ZNF236: variants seen among roughly 807,000 people sequenced by gnomAD.
ZNF236 encodes regulated by glucose.
ZNF236 carries 50 observed loss-of-function variants against 191.2 expected under a neutral mutation model. The ratio of observed to expected loss-of-function variants is 0.26; its 90% CI spans 0.21 to 0.33. The LOEUF (loss-of-function observed/expected upper bound fraction) is 0.33, where lower values mean the gene tolerates loss of function less well. Ranked by LOEUF, ZNF236 falls within the 10% of genes least tolerant of loss-of-function variation. The pLI, the probability that ZNF236 is intolerant of heterozygous loss-of-function variation, is 1.00. For missense variants in ZNF236, 1,754 were observed against 2,374.5 expected (o/e 0.74, Z 5.43); for synonymous variants, 907 against 928.8 (o/e 0.98, Z 0.43).
Position 76,908,391 on chromosome 18 carries a change from A to T in ZNF236, c.2369A>T (p.Gln790Leu). ...ASIDDSTVDQ[Q>L]SMQASTQMQV... ...ATAGATGACAGCACTGTAGACCAGC[A>T]GAGCATGCAGGCCTCCACTCAAATG... The change falls in exon 14 of 31, where the codon CAG (glutamine) becomes CTG (leucine). Residue 790 changes from glutamine to leucine, a missense_variant. Gln to Leu is a moderately radical substitution (Grantham distance 113). This residue lies in a region of ZNF236 where 641 missense variants were observed against 869.6 expected (regional missense o/e 0.74). Coordinates refer to ENST00000320610, the MANE Select transcript of ZNF236 (RefSeq NM_001306089.2). 6.2e-7 allele frequency: 1 copy of T among 1,614,234 alleles called. No homozygotes were observed. The highest frequency in any genetic ancestry group is 8.5e-7 in the Non-Finnish European group (1 of 1,180,044).
At position 76,904,362 on chromosome 18, in the gene ZNF236, T is replaced by A; in HGVS notation, c.1895-18T>A. The A allele has an allele frequency of 6.3e-7, 1 of 1,585,812 alleles. No individual in the cohort carries two copies. On this transcript the variant is annotated intron_variant, in intron 11 of 30. Coordinates refer to ENST00000320610, the MANE Select transcript of ZNF236 (RefSeq NM_001306089.2). ...AGCATTGACAGTGAATTACATCTGC[T>A]TTTCTTTTGCTTTGTAGGTCTCATC...
chr18:76,901,578 C>T (rs915236734), intron 11 of ZNF236, among the ~76,000 whole-genome samples: 3 of 152,098 alleles, frequency 2.0e-5, no homozygotes, highest in African/African-American at 4.8e-5. Flanking sequence ...GCCAACATGG[C>T]AAAACCCCAT....
intron 26 of ZNF236, among the ~76,000 whole-genome samples, chr18:76,938,913 G>A (rs1371947087): frequency 2.6e-5 from 4 of 152,226 alleles, no homozygotes; most frequent in African/African-American, 7.2e-5. Flanking sequence ...GCTGTGCGGA[G>A]CGCGTGACTG....
Position 76,880,908 on chromosome 18 carries a change from GTCGT to G in ZNF236, c.1189-373_1189-370del, listed in dbSNP as rs2122645599. On this transcript the variant is annotated intron_variant, in intron 8 of 30. Transcript: ENST00000320610. The surrounding 1 kb of genome is among the most constrained non-coding windows in gnomAD (Gnocchi z 5.0). Reference sequence around the variant, plus strand: ...CCAGGGGTATGAGGAATCTCAGGGTGTCGTTCTACAGCCGATACCTGAAAGTTAA... The same window carrying G: ...CCAGGGGTATGAGGAATCTCAGGGTGTCTACAGCCGATACCTGAAAGTTAA... Among the ~76,000 whole-genome samples the G allele has an allele frequency of 6.6e-6, 1 of 152,298 alleles. No individual in the cohort carries two copies. The highest frequency in any genetic ancestry group is 1.9e-4 in the East Asian group (1 of 5,188).
At chr18:76,929,286 G>A (rs1210790027) in intron 25 of ZNF236, among the ~76,000 whole-genome samples, 1 of 151,830 alleles carries the variant, frequency 6.6e-6, no homozygotes, top group African/African-American at 2.4e-5. Context: ...AGATGCTGTT[G>A]GACAGCAAAA....
At chr18:76,864,808 T>G (rs1221577738) in intron 3 of ZNF236, among the ~76,000 whole-genome samples, 1 of 151,856 alleles carries the variant, frequency 6.6e-6, no homozygotes, top group Admixed American at 6.6e-5. Flanking sequence ...GCCAGTAGAT[T>G]GTGATAAGTT....
intron 3 of ZNF236, among the ~76,000 whole-genome samples, chr18:76,862,730 G>A (rs113820691): frequency 2.6e-5 from 4 of 152,302 alleles, no homozygotes; most frequent in African/African-American, 9.6e-5. Context: ...GGTCAGTGGG[G>A]CTCTGCGAAA....
At chr18:76,909,633 G>A (rs901930256) in intron 14 of ZNF236, among the ~76,000 whole-genome samples, 4 of 152,190 alleles carry the variant, frequency 2.6e-5, no homozygotes, top group African/African-American at 7.2e-5. Context: ...AGCTGGCTGC[G>A]TCTGGCACAG....
intron 4 of ZNF236, among the ~76,000 whole-genome samples, chr18:76,869,846 C>T (rs192981017): frequency 8.9e-4 from 135 of 152,248 alleles, no homozygotes; most frequent in African/African-American, 3.0e-3. Flanking sequence ...GTCCCAGGTA[C>T]TCGGGAGGCT....
rs918626377 is a variant in ZNF236, at chr18:76,966,962, C to T, written c.5420-1253C>T. Among the ~76,000 whole-genome samples, 5 of 152,220 alleles carry T rather than the reference C, an allele frequency of 3.3e-5. 1 individual carries two copies. Among genetic ancestry groups the T allele is most frequent in the Admixed American group, 2.6e-4 (4 of 15,296 alleles). On this transcript the variant is annotated intron_variant, in intron 30 of 30. Transcript: ENST00000320610. ...ATTTTGCGGGTGTGATTTGATTGTTCGAGGTGGTATGCTCTGTGAGATCTG... is the reference window on the plus strand; with the variant it reads ...ATTTTGCGGGTGTGATTTGATTGTTTGAGGTGGTATGCTCTGTGAGATCTG...
In ZNF236 at chr18:76,851,812, T is replaced by C. The variant is rs780474124; in HGVS notation, c.236T>C (p.Val79Ala). The C allele has an allele frequency of 2.9e-5, 46 of 1,613,848 alleles. No individual in the cohort carries two copies. The highest frequency in any genetic ancestry group is 3.9e-5 in the Non-Finnish European group (46 of 1,179,930). The change falls in exon 3 of 31, where the codon GTT (valine) becomes GCT (alanine). Residue 79 changes from valine (V) to alanine (A), a missense_variant. By Grantham distance (64) the Val-to-Ala change is moderately conservative. Coordinates refer to ENST00000320610, the MANE Select transcript of ZNF236 (RefSeq NM_001306089.2). ...RCDQCPQTFN[V>A]EFNLTLHKCT... ...GACCAGTGCCCCCAAACATTTAATG[T>C]TGAATTCAACCTGACACTTCATAAA...
In ZNF236 at chr18:76,899,298, C is replaced by T. The variant is rs1029846070; in HGVS notation, c.1894+76C>T. On this transcript the variant is annotated intron_variant, in intron 11 of 30. Transcript: ENST00000320610. ...TGACATTTTGTGAATTGTGTACACA[C>T]ATTATGGTCTCTGTAGTTAAATAGT... is the stretch of plus-strand genomic sequence containing the variant. 1.3e-5 allele frequency: 16 copies of T among 1,264,820 alleles called. No individual in the cohort carries two copies. The East Asian group carries it at 1.7e-4, about 13-fold the overall frequency. 78.3% of individuals were successfully genotyped at this position (1,264,820 alleles called of 1,614,324 possible).
chr18:76,842,162 T>C (rs2122462761), intron 1 of ZNF236, among the ~76,000 whole-genome samples: 1 of 152,298 alleles, frequency 6.6e-6, no homozygotes, highest in Non-Finnish European at 1.5e-5. Flanking sequence ...GATGTTAGTT[T>C]TCTTATCCAC....
chr18:76,840,272 A>G (rs1269534221), intron 1 of ZNF236, among the ~76,000 whole-genome samples: 3 of 152,226 alleles, frequency 2.0e-5, no homozygotes, highest in Non-Finnish European at 4.4e-5. Context: ...AGGCGGATGG[A>G]TCACCTGAGG....
At chr18:76,937,431 GT>G in intron 26 of ZNF236, 88 bp downstream of exon 26, 1 of 1,231,478 alleles carries the variant, frequency 8.1e-7, no homozygotes, top group East Asian at 2.7e-5. Flanking sequence ...TAAATAAATA[GT>G]CTGAGCATTT....
chr18:76,854,583 A>G (rs534459888), intron 3 of ZNF236, among the ~76,000 whole-genome samples: 1,376 of 77,608 alleles, frequency 0.018, 19 homozygotes, highest in African/African-American at 0.092. Context: ...GACTGTCACT[A>G]CAAAAAAAAA....
At chr18:76,840,700 A>G (rs112162218) in intron 1 of ZNF236, 27,761 of 134,854 alleles carry the variant, frequency 0.21, 3,269 homozygotes, top group Middle Eastern at 0.33. Context: ...ATCTTGGCTC[A>G]CTGCAACCTC....
At chr18:76,878,199 C>G in intron 7 of ZNF236, 47 bp downstream of exon 7, 1 of 1,522,780 alleles carries the variant, frequency 6.6e-7, no homozygotes. Context: ...TAAAATCTGT[C>G]ATTTTAAATA....
chr18:76,875,488 C>G lies in ZNF236; in HGVS notation c.668-4C>G, dbSNP rs759618227. ...ATATTTTGATCATTTTTCTCCCACT[C>G]TAGGTGAAAGGCCGTTCAAATGTAG... On this transcript the variant is annotated splice_region_variant and splice_polypyrimidine_tract_variant and intron_variant, in intron 5 of 30. Transcript: ENST00000320610. This position sits in a 1 kb window ranked among gnomAD's most constrained non-coding sequence, Gnocchi z 4.3. 20 of 1,508,046 alleles carry G rather than the reference C, an allele frequency of 1.3e-5. 1 individual carries two copies. In the South Asian group the frequency reaches 2.6e-4, roughly 20 times the overall value. The allele number at this position is 1,508,046 out of a possible 1,614,324, so 93.4% of individuals were successfully genotyped here. A position where few individuals can be genotyped will look rare whatever the true frequency, so the allele number is the denominator to read the frequency against.
Sources: gnomAD v4.1 joint callset for allele counts (sites outside exome capture counted in the v4.1 genomes callset) on GRCh38, gnomAD v4.1.1 for gene constraint, gnomAD v4.1.1 regional missense constraint, Gnocchi (gnomAD v3.1) non-coding constraint, MANE v1.5 for transcripts, NCBI Gene and HGNC (gene_info 2026-07-23, HGNC 2026-07-21) for gene names.